The following SLC24A3 variants were observed in gnomAD, a reference collection of about 807,000 sequenced individuals.
SLC24A3 encodes solute carrier family 24 member 3.
SLC24A3 carries 28 observed loss-of-function variants against 75.8 expected under a neutral mutation model. The observed-to-expected ratio is 0.37, with a 90% CI of 0.27 to 0.51. The LOEUF is 0.51. Ranked by LOEUF, SLC24A3 falls within the 20% of genes least tolerant of loss-of-function variation. The probability of loss-of-function intolerance (pLI) is 0.94; values close to 1 mark genes in which losing one functional copy is unlikely to be tolerated. For missense variants in SLC24A3, 663 were observed against 847.8 expected (o/e 0.78, Z 2.71); for synonymous variants, 372 against 334.1 (o/e 1.11, Z -1.24).
At chr20:19,475,822 A>G (rs938367049) in intron 2 of SLC24A3, among the ~76,000 whole-genome samples, 7 of 152,336 alleles carry the variant, frequency 4.6e-5, no homozygotes, top group Non-Finnish European at 1.0e-4. Context: ...AAATATTCTG[A>G]TGGAGAGCAA....
chr20:19,702,231 ATTC>A (rs1482275323), intron 15 of SLC24A3, among the ~76,000 whole-genome samples: 2 of 152,218 alleles, frequency 1.3e-5, no homozygotes, highest in Non-Finnish European at 2.9e-5. Context: ...ATTAAACATT[ATTC>A]TTCTATCAGT....
intron 13 of SLC24A3, 38 bp from the exon 14 acceptor site, chr20:19,696,759 G>GTGAC: frequency 1.4e-6 from 2 of 1,470,914 alleles, no homozygotes; most frequent in Non-Finnish European, 1.9e-6. Flanking sequence ...GGGGCTTGAG[G>GTGAC]TGACCCTCAG....
chr20:19,429,048 T>C (rs1016564540), intron 2 of SLC24A3, among the ~76,000 whole-genome samples: 1 of 152,220 alleles, frequency 6.6e-6, no homozygotes, highest in Non-Finnish European at 1.5e-5. Context: ...AGAAATATAA[T>C]GCTATTTTTT....
intron 15 of SLC24A3, among the ~76,000 whole-genome samples, chr20:19,714,746 C>T (rs1390932972): frequency 6.6e-6 from 1 of 152,166 alleles, no homozygotes; most frequent in Non-Finnish European, 1.5e-5. Context: ...CCTCTGGAAC[C>T]AGATTTAGAA....
intron 1 of SLC24A3, among the ~76,000 whole-genome samples, chr20:19,215,274 G>A (rs1981523222): frequency 6.6e-6 from 1 of 152,160 alleles, no homozygotes; most frequent in African/African-American, 2.4e-5. Flanking sequence ...TTGGAATGGA[G>A]CATTGTTTCG....
intron 15 of SLC24A3, among the ~76,000 whole-genome samples, chr20:19,709,343 TG>T (rs1363345069): frequency 6.6e-6 from 1 of 151,882 alleles, no homozygotes; most frequent in Non-Finnish European, 1.5e-5. Flanking sequence ...CTCAGGGAGA[TG>T]GGGGGATGTG....
intron 1 of SLC24A3, among the ~76,000 whole-genome samples, chr20:19,228,165 C>T (rs1981919353): frequency 6.6e-6 from 1 of 152,094 alleles, no homozygotes; most frequent in African/African-American, 2.4e-5. Flanking sequence ...TTATACAATA[C>T]TGAAAATAAA....
At chr20:19,663,423 T>C (rs8123306) in intron 7 of SLC24A3, among the ~76,000 whole-genome samples, 3 of 16,906 alleles carry the variant, frequency 1.8e-4, no homozygotes, top group African/African-American at 5.5e-4. Flanking sequence ...CTCCTCCTCC[T>C]CCTCCTCCTC....
At chr20:19,449,419 G>A (rs991455692) in intron 2 of SLC24A3, among the ~76,000 whole-genome samples, 3 of 152,228 alleles carry the variant, frequency 2.0e-5, no homozygotes, top group Non-Finnish European at 2.9e-5. Context: ...CTCTGGGGCC[G>A]AAGACACACA....
At chr20:19,313,826 A>G (rs189303867) in intron 2 of SLC24A3, among the ~76,000 whole-genome samples, 26 of 152,252 alleles carry the variant, frequency 1.7e-4, no homozygotes, top group African/African-American at 6.0e-4. Context: ...CAAACTAGTA[A>G]CAGGGAGGTA....
intron 3 of SLC24A3, among the ~76,000 whole-genome samples, chr20:19,555,843 A>G (rs1455833695): frequency 6.6e-6 from 1 of 152,236 alleles, no homozygotes; most frequent in Non-Finnish European, 1.5e-5. Flanking sequence ...AAATGCTGGT[A>G]GTCACAAAGA....
At chr20:19,545,221 A>G (rs1019780366) in intron 3 of SLC24A3, among the ~76,000 whole-genome samples, 1 of 152,194 alleles carries the variant, frequency 6.6e-6, no homozygotes, top group Non-Finnish European at 1.5e-5. Context: ...ACATAAGTAC[A>G]TGCAATTATC....
intron 3 of SLC24A3, among the ~76,000 whole-genome samples, chr20:19,526,101 A>G (rs879503494): frequency 6.6e-6 from 1 of 152,146 alleles, no homozygotes; most frequent in Non-Finnish European, 1.5e-5. Context: ...AGTCTCCCCG[A>G]TAGCTCTTCT....
intron 2 of SLC24A3, among the ~76,000 whole-genome samples, chr20:19,468,344 T>C (rs1294204903): frequency 6.6e-6 from 1 of 151,946 alleles, no homozygotes; most frequent in Non-Finnish European, 1.5e-5. Flanking sequence ...ATGGGGGAGC[T>C]GTCAGAGGAA....
At chr20:19,675,207 T>C (rs952321614) in intron 9 of SLC24A3, among the ~76,000 whole-genome samples, 2 of 152,200 alleles carry the variant, frequency 1.3e-5, no homozygotes, top group African/African-American at 4.8e-5. Flanking sequence ...GTGCTGCAAC[T>C]GCCCAACCCC....
intron 2 of SLC24A3, among the ~76,000 whole-genome samples, chr20:19,298,249 G>A (rs950473816): frequency 6.6e-6 from 1 of 152,210 alleles, no homozygotes; most frequent in African/African-American, 2.4e-5. Context: ...ATGTGTCAGG[G>A]TCTTTGGAAG....
chr20:19,468,271 C>T (rs1475202253), intron 2 of SLC24A3, among the ~76,000 whole-genome samples: 1 of 151,994 alleles, frequency 6.6e-6, no homozygotes, highest in Admixed American at 6.6e-5. Context: ...ATAGAGATTC[C>T]GTAGCATATT....
At chr20:19,404,950 G>A (rs75239954) in intron 2 of SLC24A3, among the ~76,000 whole-genome samples, 3,516 of 152,130 alleles carry the variant, frequency 0.023, 152 homozygotes, top group African/African-American at 0.078. Flanking sequence ...TTTTTCCACT[G>A]TCTCTCGGGG....
intron 8 of SLC24A3, among the ~76,000 whole-genome samples, chr20:19,672,524 A>G (rs2032480466): frequency 1.3e-5 from 2 of 151,992 alleles, no homozygotes; most frequent in African/African-American, 4.8e-5. Context: ...TTTTCTGGAG[A>G]CGGGGTCCTG....
Sources: gnomAD v4.1 joint callset for allele counts (sites outside exome capture counted in the v4.1 genomes callset) on GRCh38, gnomAD v4.1.1 for gene constraint, MANE v1.5 for transcripts, NCBI Gene and HGNC (gene_info 2026-07-23, HGNC 2026-07-21) for gene names.